The following MAMDC2 variants were observed in gnomAD, a reference collection of about 807,000 sequenced individuals.
The protein encoded by MAMDC2 is MAM domain containing 2.
MAMDC2 carries 57 observed loss-of-function variants against 89.8 expected under a neutral mutation model. The observed-to-expected ratio is 0.63, with a 90% CI of 0.51 to 0.79. The LOEUF (loss-of-function observed/expected upper bound fraction) is 0.79, where lower values mean the gene tolerates loss of function less well. Among genes scored for constraint, MAMDC2 ranks in the 30% least tolerant of loss-of-function variants. MAMDC2 has a pLI of 0.00. For synonymous variants in MAMDC2, 313 were observed against 293.4 expected (o/e 1.07, Z -0.68); for missense variants, 800 against 820.6 (o/e 0.97, Z 0.31).
intron 11 of MAMDC2, among the ~76,000 whole-genome samples, chr9:70,198,577 T>C (rs181951109): frequency 6.6e-6 from 1 of 152,052 alleles, no homozygotes; most frequent in African/African-American, 2.4e-5. Context: ...AGTGAATAGA[T>C]TAAAAGTCAT....
intron 11 of MAMDC2, among the ~76,000 whole-genome samples, chr9:70,209,891 T>C (rs1215522828): frequency 1.3e-5 from 2 of 152,242 alleles, no homozygotes; most frequent in Non-Finnish European, 2.9e-5. Context: ...TTTCGTTATG[T>C]ACCCAATAGT....
Position 70,170,378 on chromosome 9 carries a change from G to A in MAMDC2, c.1499-101G>A, listed in dbSNP as rs540372861. 1.0e-4 allele frequency: 141 copies of A among 1,354,946 alleles called. No homozygotes were observed. The African/African-American group carries it at 1.8e-3, about 18-fold the overall frequency. The allele number at this position is 1,354,946 out of a possible 1,614,324, so 83.9% of individuals were successfully genotyped here. A position where few individuals can be genotyped will look rare whatever the true frequency, so the allele number is the denominator to read the frequency against. The stretch of plus-strand genomic sequence containing the variant: ...GTGGGGGCTGCCTCTCCATCGCATG[G>A]CATATGGCCAGACAACATTCATACA... On this transcript the variant is annotated intron_variant, in intron 10 of 13. Transcript: ENST00000377182.
chr9:70,193,430 T>C (rs2032922944), intron 11 of MAMDC2, among the ~76,000 whole-genome samples: 1 of 152,058 alleles, frequency 6.6e-6, no homozygotes, highest in South Asian at 2.1e-4. Flanking sequence ...TAAAACCCAT[T>C]CAAGGGAGTA....
At chr9:70,053,720 G>A (rs981345404) in intron 2 of MAMDC2, among the ~76,000 whole-genome samples, 2 of 152,288 alleles carry the variant, frequency 1.3e-5, no homozygotes, top group South Asian at 2.1e-4. Context: ...TCTGGAAGAG[G>A]CATTTGTGTG....
At chr9:70,134,293 C>CA (rs1563969231) in intron 7 of MAMDC2, among the ~76,000 whole-genome samples, 1 of 143,458 alleles carries the variant, frequency 7.0e-6, no homozygotes. Flanking sequence ...AACTGCCCCC[C>CA]ACACCCGGTG....
chr9:70,062,048 G>A (rs1042952570), intron 2 of MAMDC2, among the ~76,000 whole-genome samples: 3 of 152,144 alleles, frequency 2.0e-5, no homozygotes, highest in Admixed American at 6.5e-5. Flanking sequence ...TTCCCTACCA[G>A]CCTGAGCAGC....
At chr9:70,111,213 A>G (rs1490776211) in intron 4 of MAMDC2, among the ~76,000 whole-genome samples, 4 of 152,200 alleles carry the variant, frequency 2.6e-5, no homozygotes, top group African/African-American at 7.2e-5. Context: ...GCCTCTTGGC[A>G]TCCGTAAAAT....
intron 9 of MAMDC2, 124 bp downstream of exon 9, chr9:70,143,943 C>A: frequency 8.9e-7 from 1 of 1,127,410 alleles, no homozygotes; most frequent in Non-Finnish European, 1.3e-6. Flanking sequence ...ACGGCCTCAC[C>A]CTTACACCCT....
chr9:70,108,114 G>T, intron 2 of MAMDC2, 97 bp from the exon 3 acceptor site: 1 of 1,251,400 alleles, frequency 8.0e-7, no homozygotes, highest in Non-Finnish European at 1.1e-6. Context: ...TATATCTGCA[G>T]GTTTATCTGC....
chr9:70,146,967 C>T (rs1268066282), intron 9 of MAMDC2, among the ~76,000 whole-genome samples: 2 of 143,966 alleles, frequency 1.4e-5, no homozygotes, highest in South Asian at 2.3e-4. Context: ...GACTAACTGC[C>T]TCATTTGGTT....
Position 70,119,074 on chromosome 9 carries a change from T to C in MAMDC2, c.643+5942T>C, listed in dbSNP as rs183904588. Among the ~76,000 whole-genome samples the C allele has an allele frequency of 4.9e-4, 75 of 152,190 alleles. No individual in the cohort carries two copies. The East Asian group carries it at 0.012, about 24-fold the overall frequency. ...TTATCCTGTATTTTCTTAATTCTGATTCATCACATATGGGTTTCTTTCTTT... is the reference window on the plus strand; with the variant it reads ...TTATCCTGTATTTTCTTAATTCTGACTCATCACATATGGGTTTCTTTCTTT... On this transcript the variant is annotated intron_variant, in intron 5 of 13. Coordinates refer to ENST00000377182, the MANE Select transcript of MAMDC2 (RefSeq NM_153267.5).
rs1427795371 is a variant in MAMDC2 at position 70,197,875 on chromosome 9, G to A, written c.1652-20462G>A. Among the ~76,000 whole-genome samples, 8 of 152,050 alleles carry A rather than the reference G, an allele frequency of 5.3e-5. No homozygotes were observed. In the East Asian group the frequency reaches 1.5e-3, roughly 29 times the overall value. Reference sequence around the variant, plus strand: ...GCTCCTTCTGATGTATCCTTAGAAAGTCAATAGTAGCCTAACGCTACTTTA... The same window carrying A: ...GCTCCTTCTGATGTATCCTTAGAAAATCAATAGTAGCCTAACGCTACTTTA... On this transcript the variant is annotated intron_variant, in intron 11 of 13. Transcript: ENST00000377182.
chr9:70,183,368 T>C (rs1033579167), intron 11 of MAMDC2, among the ~76,000 whole-genome samples: 1 of 152,250 alleles, frequency 6.6e-6, no homozygotes, highest in Non-Finnish European at 1.5e-5. Flanking sequence ...TTAGGTCCGC[T>C]TGGTCCAGAG....
intron 12 of MAMDC2, among the ~76,000 whole-genome samples, chr9:70,224,228 AAGAG>A (rs1261412626): frequency 5.9e-5 from 9 of 152,298 alleles, no homozygotes; most frequent in African/African-American, 2.2e-4. Flanking sequence ...TAAGAGGAGA[AAGAG>A]AGAGACAGAC....
intron 2 of MAMDC2, among the ~76,000 whole-genome samples, chr9:70,067,283 C>G (rs540641419): frequency 6.6e-6 from 1 of 152,294 alleles, no homozygotes; most frequent in South Asian, 2.1e-4. Flanking sequence ...TTTCCAGTGG[C>G]TGTCCCACCA....
chr9:70,051,877 CTAGA>C (rs34400323), intron 2 of MAMDC2, among the ~76,000 whole-genome samples: 1 of 144,474 alleles, frequency 6.9e-6, no homozygotes, highest in South Asian at 2.3e-4. Context: ...ATTTACCTAT[CTAGA>C]TAGATAGAGA....
At chr9:70,139,882 A>G (rs1294140894) in intron 7 of MAMDC2, among the ~76,000 whole-genome samples, 1 of 152,158 alleles carries the variant, frequency 6.6e-6, no homozygotes, top group Non-Finnish European at 1.5e-5. Context: ...TTTCTTTTGA[A>G]GTCGGGTACT....
chr9:70,178,557 A>G (rs2032564045), intron 11 of MAMDC2, among the ~76,000 whole-genome samples: 1 of 152,162 alleles, frequency 6.6e-6, no homozygotes, highest in African/African-American at 2.4e-5. Flanking sequence ...GCATAAACAA[A>G]CAAAGGTTTC....
intron 11 of MAMDC2, among the ~76,000 whole-genome samples, chr9:70,186,338 T>C (rs1049909633): frequency 3.7e-5 from 2 of 54,734 alleles, no homozygotes; most frequent in African/African-American, 1.2e-4. Context: ...TTTTGGTGCA[T>C]GTCTGCTGCT....
Sources: gnomAD v4.1 joint callset for allele counts (sites outside exome capture counted in the v4.1 genomes callset) on GRCh38, gnomAD v4.1.1 for gene constraint, MANE v1.5 for transcripts, NCBI Gene and HGNC (gene_info 2026-07-23, HGNC 2026-07-21) for gene names.